Variants in LUC7L2 observed in about 807,000 individuals in gnomAD.
LUC7L2 encodes the protein putative RNA-binding protein Luc7-like 2.
In LUC7L2, 25 loss-of-function variants were observed where a neutral mutation model predicts 52.8. The observed-to-expected ratio is 0.47, with a 90% CI of 0.34 to 0.66. The LOEUF is 0.66. Among genes scored for constraint, LUC7L2 ranks in the 30% least tolerant of loss-of-function variants. The pLI is 0.01. For missense variants in LUC7L2, 328 were observed against 497.8 expected (o/e 0.66, Z 3.25); for synonymous variants, 144 against 160.9 (o/e 0.89, Z 0.80).
At chr7:139,392,854 A>G (rs972674492) in intron 2 of LUC7L2, among the ~76,000 whole-genome samples, 4 of 151,972 alleles carry the variant, frequency 2.6e-5, no homozygotes, top group Non-Finnish European at 5.9e-5. Flanking sequence ...AGGTTTCTCC[A>G]TGTTGGTCAG....
At chr7:139,371,563 G>A in intron 1 of LUC7L2, 1 of 1,304,736 alleles carries the variant, frequency 7.7e-7, no homozygotes, top group Non-Finnish European at 1.1e-6. Context: ...TAGTACTGGG[G>A]GGAGGGGGCG....
chr7:139,359,798 G>A (rs1381036095), upstream of LUC7L2: 3 of 403,932 alleles, frequency 7.4e-6, no homozygotes, highest in South Asian at 1.9e-4. Flanking sequence ...AGCCGTTAGG[G>A]TGGAACTCCA....
At chr7:139,421,292 TG>T (rs1305256364) in intron 9 of LUC7L2, among the ~76,000 whole-genome samples, 1 of 152,248 alleles carries the variant, frequency 6.6e-6, no homozygotes, top group Non-Finnish European at 1.5e-5. Flanking sequence ...GAATATGGGT[TG>T]AGTGAGATAA....
chr7:139,359,887 C>T, upstream of LUC7L2: 2 of 417,556 alleles, frequency 4.8e-6, no homozygotes, highest in Middle Eastern at 6.1e-4. Context: ...GCGCGAGGAG[C>T]GTGCGCGCTC....
At chr7:139,362,077 TTG>T (rs566255589) in intron 1 of LUC7L2, among the ~76,000 whole-genome samples, 181 of 152,222 alleles carry the variant, frequency 1.2e-3, no homozygotes, top group African/African-American at 4.2e-3. Flanking sequence ...AAAATCCACT[TTG>T]TGTATTTTTT....
intron 9 of LUC7L2, among the ~76,000 whole-genome samples, chr7:139,419,715 G>T (rs8137): frequency 0.38 from 58,386 of 152,036 alleles, 15,640 homozygotes; most frequent in African/African-American, 0.76. Flanking sequence ...TTCCTGCGTT[G>T]ATGAAGTTGT....
chr7:139,380,571 G>A lies in LUC7L2; in HGVS notation c.156+4415G>A, dbSNP rs572843394. ...GCTGAGATTGTGCCACTGCACTCCAGCCTGAGCAAAAGAGCGAGACACCGT... is the reference window on the plus strand; with the variant it reads ...GCTGAGATTGTGCCACTGCACTCCAACCTGAGCAAAAGAGCGAGACACCGT... On this transcript the variant is annotated intron_variant, in intron 2 of 9. Transcript: ENST00000354926. 5.3e-5 allele frequency among the ~76,000 whole-genome samples: 8 copies of A among 152,276 alleles called. No individual in the cohort carries two copies. The East Asian group carries it at 1.5e-3, about 29-fold the overall frequency.
At chr7:139,407,684 T>C (rs1309822341) in intron 6 of LUC7L2, among the ~76,000 whole-genome samples, 1 of 152,098 alleles carries the variant, frequency 6.6e-6, no homozygotes, top group Non-Finnish European at 1.5e-5. Flanking sequence ...TAATATAATA[T>C]TTATAAGAAG....
intron 1 of LUC7L2, among the ~76,000 whole-genome samples, chr7:139,352,122 G>T (rs1314341976): frequency 6.6e-6 from 1 of 152,116 alleles, no homozygotes; most frequent in African/African-American, 2.4e-5. Context: ...TTGAGCCCAG[G>T]AATTAGAGGC....
intron 1 of LUC7L2, among the ~76,000 whole-genome samples, chr7:139,362,054 A>C (rs1166011269): frequency 6.6e-6 from 1 of 151,968 alleles, no homozygotes; most frequent in Non-Finnish European, 1.5e-5. Context: ...GTCAGCAGAA[A>C]CATGGATTTC....
chr7:139,341,630 C>G, intron 1 of LUC7L2: 1 of 1,499,396 alleles, frequency 6.7e-7, no homozygotes, highest in Non-Finnish European at 8.9e-7. Context: ...CTGAGGCCAA[C>G]CCTCCCACGG....
intron 2 of LUC7L2, among the ~76,000 whole-genome samples, chr7:139,382,662 G>A (rs185917990): frequency 8.7e-4 from 133 of 152,176 alleles, no homozygotes; most frequent in Admixed American, 5.7e-3. Flanking sequence ...CAAAGTGCTG[G>A]GATTACAGGA....
intron 9 of LUC7L2, among the ~76,000 whole-genome samples, chr7:139,418,364 T>C (rs1795723518): frequency 6.6e-6 from 1 of 152,242 alleles, no homozygotes; most frequent in South Asian, 2.1e-4. Context: ...GAGTTTAGCA[T>C]TCATAGTCTG....
chr7:139,401,258 AAG>A (rs1326947621), intron 3 of LUC7L2, among the ~76,000 whole-genome samples: 49 of 152,294 alleles, frequency 3.2e-4, no homozygotes, highest in African/African-American at 1.2e-3. Context: ...TAAAAGAAAA[AAG>A]GGTAAAAATG....
At chr7:139,369,908 CT>C (rs1405914605) in intron 1 of LUC7L2, among the ~76,000 whole-genome samples, 1 of 152,142 alleles carries the variant, frequency 6.6e-6, no homozygotes, top group Non-Finnish European at 1.5e-5. Flanking sequence ...GTATAGCACC[CT>C]TGTGTTTACA....
At chr7:139,376,811 C>A (rs980030171) in intron 2 of LUC7L2, among the ~76,000 whole-genome samples, 2 of 152,168 alleles carry the variant, frequency 1.3e-5, no homozygotes, top group Non-Finnish European at 2.9e-5. Flanking sequence ...TTCATAGTTG[C>A]ATCTGATGCT....
At chr7:139,347,819 G>A (rs927882581) in intron 1 of LUC7L2, among the ~76,000 whole-genome samples, 3 of 152,006 alleles carry the variant, frequency 2.0e-5, no homozygotes, top group Non-Finnish European at 4.4e-5. Flanking sequence ...TTCTGCTTTA[G>A]CCTCCTGAGT....
rs1169793101 is a variant in LUC7L2, at chr7:139,363,976, C to CTTTTTTTTTTTTT, written c.61+3669_61+3681dup. Among the ~76,000 whole-genome samples the CTTTTTTTTTTTTT allele has an allele frequency of 3.7e-3, 354 of 96,098 alleles. 36 individuals are homozygous for CTTTTTTTTTTTTT. Among genetic ancestry groups the CTTTTTTTTTTTTT allele is most frequent in the African/African-American group, 0.013 (221 of 17,266 alleles). 63.0% of individuals were successfully genotyped at this position (96,098 alleles called of 152,430 possible). On this transcript the variant is annotated intron_variant, in intron 1 of 9. Coordinates refer to ENST00000354926, the MANE Select transcript of LUC7L2 (RefSeq NM_016019.5). ...TGAGGGTGTGGATTTAGATTACATC[C>CTTTTTTTTTTTTT]TTTTTTTTTTTTTTTTTTTTTTTTT...
At chr7:139,419,598 T>A (rs1028209345) in intron 9 of LUC7L2, among the ~76,000 whole-genome samples, 2 of 152,242 alleles carry the variant, frequency 1.3e-5, no homozygotes, top group African/African-American at 4.8e-5. Context: ...TCTGCCCAAC[T>A]GTCATTGTTG....
Sources: allele counts gnomAD v4.1 joint callset (sites outside exome capture counted in the v4.1 genomes callset), GRCh38; gene constraint gnomAD v4.1.1; transcripts MANE v1.5; gene names NCBI Gene and HGNC (gene_info 2026-07-23, HGNC 2026-07-21).